The following IQSEC3 variants were observed in gnomAD, a reference collection of about 807,000 sequenced individuals.
IQSEC3 encodes the protein IQ motif and Sec7 domain ArfGEF 3.
In IQSEC3, 50 loss-of-function variants were observed where a neutral mutation model predicts 105.4. The observed-to-expected ratio is 0.47, with a 90% CI of 0.38 to 0.60. The LOEUF is 0.60. Ranked by LOEUF, IQSEC3 falls within the 20% of genes least tolerant of loss-of-function variation. IQSEC3 has a pLI of 0.00. For synonymous variants in IQSEC3, 708 were observed against 746.0 expected (o/e 0.95, Z 0.83); for missense variants, 1,415 against 1,630.0 (o/e 0.87, Z 2.27).
chr12:68,327 A>G (rs1272549700), intron 1 of IQSEC3, among the ~76,000 whole-genome samples: 3 of 152,236 alleles, frequency 2.0e-5, no homozygotes, highest in African/African-American at 7.2e-5. Flanking sequence ...TTCAGATGCC[A>G]TGCCTGTTTA....
intron 3 of IQSEC3, among the ~76,000 whole-genome samples, chr12:127,801 C>A (rs536518197): frequency 6.6e-5 from 10 of 152,168 alleles, no homozygotes; most frequent in African/African-American, 2.2e-4. Flanking sequence ...GAGTAGGTTG[C>A]GAAAATTTTC....
In IQSEC3 at chr12:163,575, G is replaced by T; in HGVS notation, c.2665G>T (p.Ala889Ser). Residue 889 changes from alanine to serine, a missense_variant, in exon 9 of 14, where the codon GCA (alanine) becomes TCA (serine). By Grantham distance (99) the Ala-to-Ser change is moderately conservative (BLOSUM62 1). Coordinates refer to ENST00000538872, the MANE Select transcript of IQSEC3 (RefSeq NM_001170738.2). ...VTDVNKLQKQ[A>S]AHQREVFLFN... ...GGATGTGAACAAGCTGCAGAAGCAG[G>T]CAGCGCATCAGAGGGAGGTGTTCCT... 6.2e-7 allele frequency: 1 copy of T among 1,604,394 alleles called. No individual in the cohort carries two copies. Among genetic ancestry groups the T allele is most frequent in the South Asian group, 1.1e-5 (1 of 90,908 alleles).
Position 104,130 on chromosome 12 carries a change from C to A in IQSEC3, c.623+4916C>A, listed in dbSNP as rs369371853. 1.4e-4 allele frequency among the ~76,000 whole-genome samples: 22 copies of A among 152,160 alleles called. No homozygotes were observed. In the East Asian group the frequency reaches 2.5e-3, roughly 17 times the overall value. On this transcript the variant is annotated intron_variant, in intron 2 of 13. Coordinates refer to ENST00000538872, the MANE Select transcript of IQSEC3 (RefSeq NM_001170738.2). The stretch of plus-strand genomic sequence containing the variant: ...TGCCAGGGACAACGTGCTGGGCACT[C>A]TTGATATTTTATCTCACGTAATTCT...
chr12:157,476 G>A, intron 6 of IQSEC3, 52 bp from the exon 7 acceptor site: 1 of 1,557,140 alleles, frequency 6.4e-7, no homozygotes, highest in Non-Finnish European at 8.7e-7. Context: ...GTTGGGCCCG[G>A]GGGAGGGTGG....
At chr12:111,403 C>T (rs1555079518) in intron 2 of IQSEC3, among the ~76,000 whole-genome samples, 3 of 152,192 alleles carry the variant, frequency 2.0e-5, no homozygotes. Context: ...GCATTCTCCC[C>T]AGCGGACTAT....
intron 5 of IQSEC3, among the ~76,000 whole-genome samples, chr12:154,032 T>C (rs1435921508): frequency 6.6e-6 from 1 of 152,070 alleles, no homozygotes; most frequent in Non-Finnish European, 1.5e-5. Context: ...CTGGAAGATG[T>C]TGGATGAGAG....
intron 2 of IQSEC3, among the ~76,000 whole-genome samples, chr12:109,464 G>A (rs1470555680): frequency 6.6e-6 from 1 of 152,150 alleles, no homozygotes; most frequent in African/African-American, 2.4e-5. Flanking sequence ...TGAAACAGCA[G>A]CAAACCTTAA....
In IQSEC3 at chr12:76,312, G is replaced by C. The variant is rs566577327; in HGVS notation, c.554+8876G>C. On this transcript the variant is annotated intron_variant, in intron 1 of 13. Transcript: ENST00000538872. ...CCAGGCAGGATCAGCTGTGTTCAGG[G>C]AAGTGTCAATACCGTGACGGGACGG... 1.2e-4 allele frequency among the ~76,000 whole-genome samples: 18 copies of C among 152,386 alleles called. No homozygotes were observed. In the South Asian group the frequency reaches 3.3e-3, roughly 28 times the overall value.
chr12:91,511 A>G (rs1040033912), intron 1 of IQSEC3, among the ~76,000 whole-genome samples: 3 of 152,154 alleles, frequency 2.0e-5, no homozygotes, highest in Non-Finnish European at 4.4e-5. Context: ...GCGGTTGTTC[A>G]TGCCTGTAAT....
rs988087806 is a variant in IQSEC3 at position 134,171 on chromosome 12, A to G, written c.904-4096A>G. Among the ~76,000 whole-genome samples, 4 of 152,236 alleles carry G rather than the reference A, an allele frequency of 2.6e-5. No individual in the cohort carries two copies. The East Asian group carries it at 5.8e-4, about 22-fold the overall frequency. ...TTAGGAAGGTTTTTGAGAGTCACAA[A>G]TATAACTTTGGAATTAATTTGTCGA... is the stretch of plus-strand genomic sequence containing the variant. On this transcript the variant is annotated intron_variant, in intron 3 of 13. Coordinates refer to ENST00000538872, the MANE Select transcript of IQSEC3 (RefSeq NM_001170738.2).
At chr12:103,066 C>G (rs1246432126) in intron 2 of IQSEC3, among the ~76,000 whole-genome samples, 1 of 152,076 alleles carries the variant, frequency 6.6e-6, no homozygotes, top group African/African-American at 2.4e-5. Context: ...AAAGATCGCC[C>G]CCTGGTCGTT....
At chr12:172,328 GC>G (rs1267084839) in intron 13 of IQSEC3, among the ~76,000 whole-genome samples, 13 of 142,304 alleles carry the variant, frequency 9.1e-5, no homozygotes, top group African/African-American at 2.4e-4. Flanking sequence ...TCTATTCCCC[GC>G]CCCCCTCCAC....
chr12:122,882 G>GA (rs1306097658), intron 2 of IQSEC3, among the ~76,000 whole-genome samples: 1 of 152,186 alleles, frequency 6.6e-6, no homozygotes, highest in Non-Finnish European at 1.5e-5. Context: ...AAAGAGTCTT[G>GA]AAAACCTTTT....
intron 1 of IQSEC3, among the ~76,000 whole-genome samples, chr12:86,038 G>A (rs1192095046): frequency 1.3e-5 from 2 of 152,222 alleles, no homozygotes; most frequent in Non-Finnish European, 2.9e-5. Context: ...GAGATGAATT[G>A]GTCACAGGCA....
chr12:71,199 G>A (rs1555067429), intron 1 of IQSEC3, among the ~76,000 whole-genome samples: 2 of 152,260 alleles, frequency 1.3e-5, no homozygotes, highest in African/African-American at 2.4e-5. Flanking sequence ...ATGGGAACTG[G>A]GATCTCTGCT....
intron 1 of IQSEC3, among the ~76,000 whole-genome samples, chr12:78,126 C>A (rs1555069783): frequency 6.6e-6 from 1 of 150,976 alleles, no homozygotes; most frequent in South Asian, 2.1e-4. Flanking sequence ...CCCGCCTCCC[C>A]GCGCCCCAAC....
chr12:140,258 AATCTTCCAGCAGT>A (rs1216098963), intron 4 of IQSEC3: 1 of 151,956 alleles, frequency 6.6e-6, no homozygotes, highest in Non-Finnish European at 1.5e-5. Flanking sequence ...AAGCATCTGT[AATCTTCCAGCAGT>A]ATCTACACAG....
At chr12:73,143 G>A (rs1440519953) in intron 1 of IQSEC3, among the ~76,000 whole-genome samples, 1 of 151,960 alleles carries the variant, frequency 6.6e-6, no homozygotes, top group African/African-American at 2.4e-5. Flanking sequence ...AATCTTTCAG[G>A]CTGAAAGGAA....
At chr12:102,238 C>G (rs1555076381) in intron 2 of IQSEC3, among the ~76,000 whole-genome samples, 1 of 152,122 alleles carries the variant, frequency 6.6e-6, no homozygotes, top group African/African-American at 2.4e-5. Flanking sequence ...GTCAGTCAGT[C>G]TGGTTTCCCG....
Sources: gnomAD v4.1 joint callset for allele counts (sites outside exome capture counted in the v4.1 genomes callset) on GRCh38, gnomAD v4.1.1 for gene constraint, MANE v1.5 for transcripts, NCBI Gene and HGNC (gene_info 2026-07-23, HGNC 2026-07-21) for gene names.